Variants in SEMA3C observed in about 807,000 individuals in gnomAD.
SEMA3C encodes semaphorin 3C.
Under a neutral mutation model 89.4 loss-of-function variants are expected in SEMA3C, and 47 were observed. That is an observed-to-expected ratio of 0.53 (90% CI 0.42 to 0.67). The LOEUF is 0.67. Among genes scored for constraint, SEMA3C ranks in the 30% least tolerant of loss-of-function variants. The probability of loss-of-function intolerance (pLI) is 0.00; values close to 1 mark genes in which losing one functional copy is unlikely to be tolerated. For missense variants in SEMA3C, 839 were observed against 929.1 expected, an observed-to-expected ratio of 0.90 and a Z score of 1.26; for synonymous variants, 310 against 320.2, an observed-to-expected ratio of 0.97 and a Z score of 0.34.
intron 2 of SEMA3C, among the ~76,000 whole-genome samples, chr7:80,844,988 G>A (rs1015086331): frequency 2.6e-5 from 4 of 152,126 alleles, no homozygotes; most frequent in African/African-American, 9.7e-5. Context: ...CTCGCCGCTT[G>A]AGGAGAATTT....
intron 2 of SEMA3C, among the ~76,000 whole-genome samples, chr7:80,881,767 C>T (rs1791347504): frequency 6.6e-6 from 1 of 152,098 alleles, no homozygotes; most frequent in Admixed American, 6.6e-5. Context: ...ATTAGTAGGG[C>T]CTCTAAACAG....
chr7:80,894,140 C>T (rs928085555), intron 2 of SEMA3C, among the ~76,000 whole-genome samples: 1 of 152,142 alleles, frequency 6.6e-6, no homozygotes, highest in Admixed American at 6.5e-5. Context: ...ATACTGTCTA[C>T]ATACTACTAC....
chr7:80,801,081 G>C (rs1484843551), intron 9 of SEMA3C, among the ~76,000 whole-genome samples: 1 of 151,850 alleles, frequency 6.6e-6, no homozygotes, highest in African/African-American at 2.4e-5. Flanking sequence ...TGGGGAAAAA[G>C]TACAATGATA....
At chr7:80,905,755 G>T in intron 2 of SEMA3C, 1 of 784,220 alleles carries the variant, frequency 1.3e-6, no homozygotes. Flanking sequence ...TCTGTGAGGT[G>T]TCTATGCTTC....
chr7:80,751,610 C>A (rs1294925316), intron 15 of SEMA3C, among the ~76,000 whole-genome samples: 1 of 152,088 alleles, frequency 6.6e-6, no homozygotes, highest in African/African-American at 2.4e-5. Context: ...GCATGCATAT[C>A]CTGAGTAAAT....
chr7:80,768,786 T>TTGTG lies in SEMA3C; in HGVS notation c.1355-3547_1355-3544dup, dbSNP rs36046400. 5.2e-4 allele frequency among the ~76,000 whole-genome samples: 78 copies of TTGTG among 150,058 alleles called. 1 individual carries two copies. The highest frequency in any genetic ancestry group is 1.7e-3 in the African/African-American group (70 of 41,060). Reference sequence around the variant, plus strand: ...GAAACTGTGATAGCTAGGGCAAGATTTGTGTGTGTGTGTGTGTGTGTCAAT... The same window carrying TTGTG: ...GAAACTGTGATAGCTAGGGCAAGATTTGTGTGTGTGTGTGTGTGTGTGTGTCAAT... On this transcript the variant is annotated intron_variant, in intron 12 of 17. Transcript: ENST00000265361.
chr7:80,813,680 C>G (rs994706941), intron 5 of SEMA3C, among the ~76,000 whole-genome samples: 1 of 152,068 alleles, frequency 6.6e-6, no homozygotes, highest in African/African-American at 2.4e-5. Context: ...TCCATTATTC[C>G]TTGTGTTTCT....
intron 2 of SEMA3C, among the ~76,000 whole-genome samples, chr7:80,883,131 T>C (rs1380955788): frequency 5.3e-5 from 8 of 152,206 alleles, no homozygotes; most frequent in Admixed American, 1.3e-4. Flanking sequence ...TCTCAAGCAT[T>C]TGTTAATACG....
At chr7:80,765,767 G>A (rs547078789) in intron 12 of SEMA3C, among the ~76,000 whole-genome samples, 95 of 151,906 alleles carry the variant, frequency 6.3e-4, no homozygotes, top group African/African-American at 2.1e-3. Context: ...TAGTAGAGAC[G>A]GGGGTTTCAC....
At chr7:80,761,267 T>C (rs115740642) in intron 14 of SEMA3C, among the ~76,000 whole-genome samples, 1,584 of 152,312 alleles carry the variant, frequency 0.01, 27 homozygotes, top group African/African-American at 0.036. Context: ...TGTGATGTTA[T>C]AGAGTAGCCC....
intron 12 of SEMA3C, among the ~76,000 whole-genome samples, chr7:80,765,824 A>G (rs1007128008): frequency 1.3e-5 from 2 of 152,110 alleles, no homozygotes; most frequent in Non-Finnish European, 2.9e-5. Flanking sequence ...TGATGCGCCC[A>G]CCTTGGCCTC....
intron 2 of SEMA3C, among the ~76,000 whole-genome samples, chr7:80,858,945 C>T (rs768865383): frequency 6.6e-5 from 10 of 152,124 alleles, no homozygotes; most frequent in Non-Finnish European, 1.5e-4. Context: ...GTTAGAGGTG[C>T]ATCATTTGTC....
At chr7:80,905,989 T>C (rs1792005874) in intron 2 of SEMA3C, 1 of 887,048 alleles carries the variant, frequency 1.1e-6, no homozygotes, top group Non-Finnish European at 1.6e-6. Context: ...AACCTCTTTG[T>C]AAGGAAGCTG....
At chr7:80,826,599 G>C (rs1789878428) in intron 4 of SEMA3C, among the ~76,000 whole-genome samples, 1 of 152,052 alleles carries the variant, frequency 6.6e-6, no homozygotes, top group Non-Finnish European at 1.5e-5. Context: ...AGTATTTATT[G>C]AGCAAATAAT....
chr7:80,767,376 A>C (rs1788328648), intron 12 of SEMA3C, among the ~76,000 whole-genome samples: 1 of 152,224 alleles, frequency 6.6e-6, no homozygotes, highest in South Asian at 2.1e-4. Flanking sequence ...CCAAAAATTG[A>C]GATGCCAAAA....
At chr7:80,890,577 T>C (rs1791587993) in intron 2 of SEMA3C, among the ~76,000 whole-genome samples, 1 of 152,144 alleles carries the variant, frequency 6.6e-6, no homozygotes, top group Admixed American at 6.6e-5. Context: ...TCTATTGGTC[T>C]GGAAACTGAA....
chr7:80,798,212 C>G lies in SEMA3C; in HGVS notation c.1011G>C (p.Val337=), dbSNP rs772178637. The part of the protein sequence containing the change: ...TSSSVFKGSA[V]CVYHLSDIQT... ...GTATATCAGATAAATGATACACACA[C>G]ACGGCTGATCCTTTGAAAACTGAGC... Residue 337 remains valine (V), a synonymous_variant, in exon 11 of 18, where the codon GTG becomes GTC. Coordinates refer to ENST00000265361, the MANE Select transcript of SEMA3C (RefSeq NM_006379.5). The G allele has an allele frequency of 2.0e-6, 3 of 1,500,506 alleles. No homozygotes were observed. The highest frequency in any genetic ancestry group is 2.7e-6 in the Non-Finnish European group (3 of 1,125,992). 92.9% of individuals were successfully genotyped at this position (1,500,506 alleles called of 1,614,324 possible).
At chr7:80,904,176 G>A (rs776122311) in intron 2 of SEMA3C, among the ~76,000 whole-genome samples, 22 of 152,056 alleles carry the variant, frequency 1.4e-4, no homozygotes, top group Admixed American at 2.6e-4. Flanking sequence ...CAGTAGCTGG[G>A]ACTACAGCCG....
intron 2 of SEMA3C, among the ~76,000 whole-genome samples, chr7:80,871,149 G>A (rs1791047521): frequency 6.6e-6 from 1 of 152,134 alleles, no homozygotes; most frequent in Admixed American, 6.5e-5. Flanking sequence ...TGTATTTATA[G>A]TTGTAAGAAA....
Sources: allele counts gnomAD v4.1 joint callset (sites outside exome capture counted in the v4.1 genomes callset), GRCh38; gene constraint gnomAD v4.1.1; transcripts MANE v1.5; gene names NCBI Gene and HGNC (gene_info 2026-07-23, HGNC 2026-07-21).